MPHOSPH9: variants seen among roughly 807,000 people sequenced by gnomAD.
The protein encoded by MPHOSPH9 is M-phase phosphoprotein 9.
A neutral mutation model predicts 145.5 loss-of-function variants in MPHOSPH9; 88 were observed. That is an observed-to-expected ratio of 0.60 (90% confidence interval 0.51 to 0.72). MPHOSPH9 has a LOEUF of 0.72. Ranked by LOEUF, MPHOSPH9 falls within the 30% of genes least tolerant of loss-of-function variation. The pLI is 0.00. For synonymous variants in MPHOSPH9, 435 were observed against 486.2 expected, an observed-to-expected ratio of 0.89 and a Z score of 1.39; for missense variants, 1,238 against 1,386.6, an observed-to-expected ratio of 0.89 and a Z score of 1.70.
At chr12:123,158,912 T>C (rs1297771461) in intron 23 of MPHOSPH9, among the ~76,000 whole-genome samples, 3 of 152,118 alleles carry the variant, frequency 2.0e-5, no homozygotes, top group Non-Finnish European at 2.9e-5. Flanking sequence ...ATTACAGGCA[T>C]GAGCCACTGT....
chr12:123,214,877 G>A, intron 6 of MPHOSPH9, 43 bp from the exon 7 acceptor site: 1 of 1,482,516 alleles, frequency 6.7e-7, no homozygotes, highest in Non-Finnish European at 9.4e-7. Context: ...AAAGTCATTA[G>A]GCACAATCTG....
chr12:123,160,059 C>CG (rs2044041211), intron 23 of MPHOSPH9: 1 of 151,954 alleles, frequency 6.6e-6, no homozygotes, highest in Non-Finnish European at 1.5e-5. Flanking sequence ...TTAGTAGAGA[C>CG]GGGGTTTCAC....
chr12:123,214,350 G>GC (rs1308145667), intron 7 of MPHOSPH9, among the ~76,000 whole-genome samples: 1 of 152,034 alleles, frequency 6.6e-6, no homozygotes, highest in Non-Finnish European at 1.5e-5. Flanking sequence ...ACCAGCTGAG[G>GC]CAACATGGCG....
chr12:123,217,958 T>A (rs1174883139), intron 6 of MPHOSPH9, among the ~76,000 whole-genome samples: 1 of 150,078 alleles, frequency 6.7e-6, no homozygotes, highest in African/African-American at 2.5e-5. Context: ...GGCAGGAGAA[T>A]GGCGTGAACC....
chr12:123,207,804 G>C (rs1321856389), intron 8 of MPHOSPH9, among the ~76,000 whole-genome samples: 1 of 148,590 alleles, frequency 6.7e-6, no homozygotes, highest in African/African-American at 2.5e-5. Context: ...AGTGAGCTGA[G>C]ATCACGCCAC....
In MPHOSPH9 at chr12:123,227,707, A is replaced by C; in HGVS notation, c.105-91T>G. ...TTCAAGATTTAGCAGAGCAGTACAAAACCACTGACATTTAATCCTTCTAAT... is the reference window on the plus strand; with the variant it reads ...TTCAAGATTTAGCAGAGCAGTACAACACCACTGACATTTAATCCTTCTAAT... On this transcript the variant is annotated intron_variant, in intron 2 of 23. Transcript: ENST00000606320. 3.7e-6 allele frequency: 4 copies of C among 1,080,090 alleles called. No homozygotes were observed. The South Asian group carries it at 7.7e-5, about 21-fold the overall frequency. 66.9% of individuals were successfully genotyped at this position (1,080,090 alleles called of 1,614,324 possible). A position where few individuals can be genotyped will look rare whatever the true frequency, so the allele number is the denominator to read the frequency against.
At chr12:123,222,561 G>C (rs1298439615) in intron 4 of MPHOSPH9, among the ~76,000 whole-genome samples, 2 of 152,144 alleles carry the variant, frequency 1.3e-5, no homozygotes, top group Non-Finnish European at 2.9e-5. Flanking sequence ...GGCTGGAGCA[G>C]GAGAATTGCT....
At position 123,161,294 on chromosome 12, in the gene MPHOSPH9, C is replaced by G. The variant is rs543894852; in HGVS notation, c.3223G>C (p.Val1075Leu). Reference protein sequence around the residue: ...PVPNGVKKVSVRTAWEKNKSV... With the variant: ...PVPNGVKKVSLRTAWEKNKSV... ...TTATTCTTCTCCCAGGCTGTTCTCA[C>G]AGATACTTTCTTCACTCCATTTGGC... is the stretch of plus-strand genomic sequence containing the variant. The change falls in exon 22 of 24, where the codon GTG becomes CTG. Residue 1075 changes from valine (V) to leucine (L), a missense_variant. Val to Leu is a conservative substitution (Grantham distance 32). This residue lies in a region of MPHOSPH9 where 393 missense variants were observed against 462.5 expected (regional missense o/e 0.85). Coordinates refer to ENST00000606320, the MANE Select transcript of MPHOSPH9 (RefSeq NM_022782.4). 2 of 1,614,006 alleles carry G rather than the reference C, an allele frequency of 1.2e-6. No homozygotes were observed. The highest frequency in any genetic ancestry group is 2.2e-5 in the South Asian group (2 of 91,086).
upstream of MPHOSPH9, among the ~76,000 whole-genome samples, chr12:123,238,141 C>T (rs2047879995): frequency 6.6e-6 from 1 of 152,112 alleles, no homozygotes; most frequent in Non-Finnish European, 1.5e-5. Flanking sequence ...GGCAATCCAC[C>T]CTCAGCCTCC....
At chr12:123,232,949 A>G (rs1451454204) in intron 1 of MPHOSPH9, 126 bp downstream of exon 1, 2 of 152,424 alleles carry the variant, frequency 1.3e-5, no homozygotes, top group Non-Finnish European at 2.9e-5. Context: ...GGTCAGGCCA[A>G]TCGGCAGCCG....
At chr12:123,241,754 T>C (rs953543077) in intron 1 of MPHOSPH9, among the ~76,000 whole-genome samples, 1 of 152,208 alleles carries the variant, frequency 6.6e-6, no homozygotes, top group Non-Finnish European at 1.5e-5. Context: ...TAGGCTATTA[T>C]CTTGTTTGCT....
upstream of MPHOSPH9, chr12:123,233,698 T>A (rs2047772275): frequency 6.6e-6 from 1 of 152,090 alleles, no homozygotes; most frequent in Admixed American, 6.6e-5. Context: ...GGGCCGGCCG[T>A]GACACCCGAG....
intron 4 of MPHOSPH9, 41 bp from the exon 5 acceptor site, chr12:123,221,936 T>A: frequency 9.6e-7 from 1 of 1,038,244 alleles, no homozygotes; most frequent in Non-Finnish European, 1.4e-6. Context: ...GAAAGTATAT[T>A]AAACATCATA....
chr12:123,228,609 A>C (rs1448252194), intron 2 of MPHOSPH9, among the ~76,000 whole-genome samples: 2 of 152,010 alleles, frequency 1.3e-5, no homozygotes, highest in African/African-American at 4.8e-5. Flanking sequence ...AATCCCTTGA[A>C]CCCAGGACAC....
upstream of MPHOSPH9, among the ~76,000 whole-genome samples, chr12:123,234,422 GTC>G (rs2047800819): frequency 6.6e-6 from 1 of 151,926 alleles, no homozygotes; most frequent in Admixed American, 6.6e-5. Flanking sequence ...GGGGGACAAG[GTC>G]TCTCTCTGTC....
At chr12:123,165,099 G>T (rs1273284805) in intron 18 of MPHOSPH9, among the ~76,000 whole-genome samples, 1 of 151,752 alleles carries the variant, frequency 6.6e-6, no homozygotes, top group African/African-American at 2.4e-5. Context: ...TGTACAAAAG[G>T]TACATGTTAT....
At chr12:123,211,038 G>A in intron 7 of MPHOSPH9, among the ~76,000 whole-genome samples, 1 of 137,624 alleles carries the variant, frequency 7.3e-6, no homozygotes, top group East Asian at 2.1e-4. Flanking sequence ...AGGCTGGAGT[G>A]CAATGGCACG....
In MPHOSPH9 at chr12:123,202,320, C is replaced by T; in HGVS notation, c.1782-1G>A. On this transcript the variant is annotated splice_acceptor_variant, in intron 10 of 23. Coordinates refer to ENST00000606320, the MANE Select transcript of MPHOSPH9 (RefSeq NM_022782.4). LOFTEE classifies it high-confidence loss of function. ...CTTTTCCTTCAGATTCTGCCTAATC[C>T]TTATTCAGTGAGAATAAAAAATATA... 1 of 1,586,840 alleles carries T rather than the reference C, an allele frequency of 6.3e-7. No homozygotes were observed. Among genetic ancestry groups the T allele is most frequent in the Non-Finnish European group, 8.5e-7 (1 of 1,171,826 alleles).
At chr12:123,180,203 C>T (rs922930263) in intron 14 of MPHOSPH9, among the ~76,000 whole-genome samples, 10 of 152,090 alleles carry the variant, frequency 6.6e-5, no homozygotes, top group African/African-American at 2.4e-4. Flanking sequence ...TGTGTAAGTC[C>T]CCTGGGTAAC....
Sources: gnomAD v4.1 joint callset for allele counts (sites outside exome capture counted in the v4.1 genomes callset) on GRCh38, gnomAD v4.1.1 for gene constraint, gnomAD v4.1.1 regional missense constraint, MANE v1.5 for transcripts, NCBI Gene and HGNC (gene_info 2026-07-23, HGNC 2026-07-21) for gene names.